Variants in TAF3 observed in about 807,000 individuals in gnomAD.
The protein encoded by TAF3 is TATA-box binding protein associated factor 3, also known as transcription initiation factor TFIID subunit 3.
TAF3 carries 7 observed loss-of-function variants against 80.6 expected under a neutral mutation model. That is an observed-to-expected ratio of 0.09 (90% confidence interval 0.05 to 0.16). The LOEUF (loss-of-function observed/expected upper bound fraction) is 0.16. Ranked by LOEUF, TAF3 falls within the 10% of genes least tolerant of loss-of-function variation. The pLI, the probability that TAF3 is intolerant of heterozygous loss-of-function variation, is 1.00. For missense variants in TAF3, 921 were observed against 1,140.2 expected, an observed-to-expected ratio of 0.81 and a Z score of 2.77; for synonymous variants, 444 against 446.1, an observed-to-expected ratio of 1.00 and a Z score of 0.06.
chr10:7,985,831 T>G (rs1218645502), intron 4 of TAF3, among the ~76,000 whole-genome samples: 1 of 148,118 alleles, frequency 6.8e-6, no homozygotes, highest in Non-Finnish European at 1.5e-5. Flanking sequence ...TGGCCCAGGC[T>G]GAAGTGCAGT....
At chr10:7,929,830 A>G (rs958592513) in intron 2 of TAF3, among the ~76,000 whole-genome samples, 7 of 152,176 alleles carry the variant, frequency 4.6e-5, no homozygotes, top group Non-Finnish European at 7.4e-5. Context: ...GGAAAAAAAA[A>G]ATGTCCAGGC....
intron 2 of TAF3, among the ~76,000 whole-genome samples, chr10:7,944,651 ACAAAGGGT>A (rs1838007927): frequency 6.6e-6 from 1 of 152,224 alleles, no homozygotes; most frequent in Non-Finnish European, 1.5e-5. Flanking sequence ...GTAATGGAAT[ACAAAGGGT>A]TATCTCTTAG....
intron 2 of TAF3, among the ~76,000 whole-genome samples, chr10:7,869,763 C>T (rs1207285928): frequency 5.3e-5 from 8 of 152,244 alleles, no homozygotes; most frequent in Admixed American, 5.2e-4. Context: ...CCTGTGCCTG[C>T]ATCTGCAGTG....
At chr10:7,902,397 T>C (rs1033227508) in intron 2 of TAF3, among the ~76,000 whole-genome samples, 4 of 152,054 alleles carry the variant, frequency 2.6e-5, no homozygotes, top group African/African-American at 9.7e-5. Flanking sequence ...CACTCTAGCC[T>C]GGGCAACAAG....
At chr10:8,011,142 C>G (rs1832051484) in intron 5 of TAF3, among the ~76,000 whole-genome samples, 1 of 152,226 alleles carries the variant, frequency 6.6e-6, no homozygotes, top group South Asian at 2.1e-4. Flanking sequence ...TGTTAGCCTA[C>G]TGGTGGCCCT....
At chr10:7,824,232 A>C in intron 1 of TAF3, 86 bp from the exon 2 acceptor site, 83 of 1,448,286 alleles carry the variant, frequency 5.7e-5, no homozygotes. Flanking sequence ...TGAGCTGCAT[A>C]TTTACTTACT....
intron 2 of TAF3, among the ~76,000 whole-genome samples, chr10:7,947,350 G>A (rs540232586): frequency 6.6e-6 from 1 of 152,202 alleles, no homozygotes. Flanking sequence ...TGGGTTAGGC[G>A]CTGTTTAGAC....
At chr10:7,916,514 C>T (rs1837713496) in intron 2 of TAF3, among the ~76,000 whole-genome samples, 1 of 152,278 alleles carries the variant, frequency 6.6e-6, no homozygotes, top group African/African-American at 2.4e-5. Context: ...AATTTTATTA[C>T]ACTTTGTTTA....
intron 2 of TAF3, among the ~76,000 whole-genome samples, chr10:7,882,968 A>G (rs1837375788): frequency 6.6e-6 from 1 of 152,238 alleles, no homozygotes; most frequent in Non-Finnish European, 1.5e-5. Flanking sequence ...TAAGTTGCAG[A>G]CATCATGCTC....
At chr10:7,891,630 A>T (rs79903256) in intron 2 of TAF3, among the ~76,000 whole-genome samples, 3,270 of 152,196 alleles carry the variant, frequency 0.021, 123 homozygotes, top group African/African-American at 0.074. Flanking sequence ...TTTGTTAGAA[A>T]CTTTTTTCTT....
chr10:7,844,562 G>T (rs560707089), intron 2 of TAF3, among the ~76,000 whole-genome samples: 1 of 152,098 alleles, frequency 6.6e-6, no homozygotes, highest in South Asian at 2.1e-4. Flanking sequence ...TATTTTAGTA[G>T]AGATGGGGTT....
chr10:7,909,751 T>C (rs559453746), intron 2 of TAF3, among the ~76,000 whole-genome samples: 63 of 152,350 alleles, frequency 4.1e-4, no homozygotes, highest in South Asian at 1.7e-3. Context: ...TTTATATCTT[T>C]ATAAAGGTAT....
At chr10:7,981,722 C>T (rs1831727811) in intron 4 of TAF3, among the ~76,000 whole-genome samples, 6 of 152,190 alleles carry the variant, frequency 3.9e-5, no homozygotes, top group Admixed American at 3.9e-4. Flanking sequence ...TCATCATCAG[C>T]CCTCGTCCTA....
intron 4 of TAF3, among the ~76,000 whole-genome samples, chr10:7,995,965 CTG>C (rs982259393): frequency 1.3e-5 from 2 of 152,164 alleles, no homozygotes; most frequent in African/African-American, 4.8e-5. Context: ...ATGGAAATGA[CTG>C]TGTTACAGTT....
intron 4 of TAF3, among the ~76,000 whole-genome samples, chr10:7,984,309 G>T (rs924580746): frequency 3.9e-5 from 6 of 152,152 alleles, no homozygotes; most frequent in African/African-American, 1.4e-4. Context: ...TAAACTGTCA[G>T]AAAAACTGGC....
At chr10:8,000,430 T>A (rs1831932679) in intron 4 of TAF3, among the ~76,000 whole-genome samples, 1 of 152,130 alleles carries the variant, frequency 6.6e-6, no homozygotes, top group Non-Finnish European at 1.5e-5. Context: ...TTCTTTTTTT[T>A]ATGCAAGTTA....
intron 2 of TAF3, among the ~76,000 whole-genome samples, chr10:7,854,951 G>A: frequency 6.6e-6 from 1 of 152,228 alleles, no homozygotes; most frequent in East Asian, 1.9e-4. Context: ...TTAAATCTAT[G>A]TATTCACCTA....
chr10:7,908,564 T>TA lies in TAF3; in HGVS notation c.410-55355dup, dbSNP rs577020510. Among the ~76,000 whole-genome samples, 20 of 152,252 alleles carry TA rather than the reference T, an allele frequency of 1.3e-4. No homozygotes were observed. In the East Asian group the frequency reaches 3.5e-3, roughly 27 times the overall value. ...ATCATGGTCACCGTCCCCACCCTCA[T>TA]ACCCACCTCCTCTTCTAAATCTGGG... On this transcript the variant is annotated intron_variant, in intron 2 of 6. Coordinates refer to ENST00000344293, the MANE Select transcript of TAF3 (RefSeq NM_031923.4).
rs558036112 is a variant in TAF3, at chr10:7,954,229, G to A, written c.410-9691G>A. Reference sequence around the variant, plus strand: ...CCTAGTTAACACAGAGCTCTTCCTAGTGAGATTCAGAGTGCACTCCATAGG... The same window carrying A: ...CCTAGTTAACACAGAGCTCTTCCTAATGAGATTCAGAGTGCACTCCATAGG... On this transcript the variant is annotated intron_variant, in intron 2 of 6. Transcript: ENST00000344293. Among the ~76,000 whole-genome samples, 4 of 138,410 alleles carry A rather than the reference G, an allele frequency of 2.9e-5. No homozygotes were observed. In the South Asian group the frequency reaches 1.0e-3, roughly 36 times the overall value. 90.8% of individuals were successfully genotyped at this position (138,410 alleles called of 152,430 possible). A position where few individuals can be genotyped will look rare whatever the true frequency, so the allele number is the denominator to read the frequency against.
Sources: gnomAD v4.1 joint callset for allele counts (sites outside exome capture counted in the v4.1 genomes callset) on GRCh38, gnomAD v4.1.1 for gene constraint, MANE v1.5 for transcripts, NCBI Gene and HGNC (gene_info 2026-07-23, HGNC 2026-07-21) for gene names.